SNX10: variants seen among roughly 807,000 people sequenced by gnomAD.
SNX10 encodes the protein sorting nexin 10.
A neutral mutation model predicts 28.5 loss-of-function variants in SNX10; 25 were observed. The ratio of observed to expected loss-of-function variants is 0.88; its 90% confidence interval spans 0.64 to 1.22. The LOEUF is 1.22. Among genes scored for constraint, SNX10 ranks in the 50% most tolerant of loss-of-function variants. SNX10 has a pLI of 0.00. For missense variants in SNX10, 223 were observed against 242.6 expected (o/e 0.92, Z 0.54); for synonymous variants, 62 against 81.4 (o/e 0.76, Z 1.28).
At chr7:26,356,984 A>G in intron 2 of SNX10, 1 of 872,518 alleles carries the variant, frequency 1.1e-6, no homozygotes, top group Non-Finnish European at 1.5e-6. Flanking sequence ...CCTTTCCTGA[A>G]GGCAGTTTGT....
In SNX10 at chr7:26,364,971, T is replaced by C. The variant is rs1789230143; in HGVS notation, c.213-76T>C. 3.5e-6 allele frequency: 3 copies of C among 860,584 alleles called. No individual in the cohort carries two copies. In the East Asian group the frequency reaches 7.4e-5, roughly 21 times the overall value. 53.3% of individuals were successfully genotyped at this position (860,584 alleles called of 1,614,324 possible). On this transcript the variant is annotated intron_variant, in intron 4 of 6. Coordinates refer to ENST00000338523, the MANE Select transcript of SNX10 (RefSeq NM_013322.3). The surrounding 1 kb of genome is among the most constrained non-coding windows in gnomAD (Gnocchi z 4.9). ...TAATAATCATCATACATAATTTGCCTTCACTTTGAGGGATTTCTGTAACAG... is the reference window on the plus strand; with the variant it reads ...TAATAATCATCATACATAATTTGCCCTCACTTTGAGGGATTTCTGTAACAG...
chr7:26,342,387 A>G (rs758543778), intron 1 of SNX10, among the ~76,000 whole-genome samples: 6 of 152,156 alleles, frequency 3.9e-5, no homozygotes, highest in Non-Finnish European at 7.4e-5. Context: ...TTGACCTTTT[A>G]TCTCAAACCA....
At chr7:26,305,343 C>T (rs1293616407) in intron 1 of SNX10, among the ~76,000 whole-genome samples, 3 of 152,234 alleles carry the variant, frequency 2.0e-5, no homozygotes, top group Non-Finnish European at 4.4e-5. Flanking sequence ...GGAACCAACA[C>T]TCCTTAGAAG....
chr7:26,308,267 A>T (rs1456290573), intron 1 of SNX10, among the ~76,000 whole-genome samples: 1 of 152,086 alleles, frequency 6.6e-6, no homozygotes, highest in Non-Finnish European at 1.5e-5. Context: ...CTGTGTTTCC[A>T]TAAAGAAATT....
At chr7:26,323,856 T>C (rs1787398743) in intron 1 of SNX10, among the ~76,000 whole-genome samples, 1 of 152,180 alleles carries the variant, frequency 6.6e-6, no homozygotes, top group South Asian at 2.1e-4. Context: ...CAACAGGACA[T>C]GTATCTCCAG....
intron 5 of SNX10, chr7:26,370,654 C>G (rs1197192856): frequency 1.3e-5 from 2 of 152,106 alleles, no homozygotes; most frequent in Non-Finnish European, 2.9e-5. Context: ...CTTGGATTTT[C>G]ACTAAATTGA....
intron 2 of SNX10, 152 bp from the exon 3 acceptor site, chr7:26,360,823 A>G (rs1789034769): frequency 6.9e-7 from 1 of 1,455,048 alleles, no homozygotes; most frequent in East Asian, 2.6e-5. Context: ...TGCCTGATTC[A>G]TTAACTTTAC....
intron 1 of SNX10, among the ~76,000 whole-genome samples, chr7:26,337,704 T>C (rs138691083): frequency 1.7e-4 from 26 of 152,362 alleles, no homozygotes; most frequent in Non-Finnish European, 3.4e-4. Context: ...GCTCATCCAT[T>C]ACATTTCATT....
At position 26,346,477 on chromosome 7, in the gene SNX10, A is replaced by G; in HGVS notation, c.24+11A>G. The stretch of plus-strand genomic sequence containing the variant: ...GAACAACAGAAAGAGGTATGTCATC[A>G]CAAATCCAAAAATAAATAACCCACT... On this transcript the variant is annotated intron_variant, in intron 2 of 6. Coordinates refer to ENST00000338523, the MANE Select transcript of SNX10 (RefSeq NM_013322.3). 2.5e-6 allele frequency: 4 copies of G among 1,592,736 alleles called. No individual in the cohort carries two copies. Among genetic ancestry groups the G allele is most frequent in the Non-Finnish European group, 3.4e-6 (4 of 1,160,622 alleles).
intron 1 of SNX10, among the ~76,000 whole-genome samples, chr7:26,316,181 CAAA>C (rs397970319): frequency 1.4e-5 from 1 of 72,232 alleles, no homozygotes; most frequent in African/African-American, 4.0e-5. Flanking sequence ...GAGACTGTCT[CAAA>C]AAAAAAAAAA....
rs559453724 is a variant in SNX10, at chr7:26,304,227, T to C, written c.-24+12141T>C. On this transcript the variant is annotated intron_variant, in intron 1 of 6. Coordinates refer to ENST00000338523, the MANE Select transcript of SNX10 (RefSeq NM_013322.3). ...AGCCTTCCCCATCTGAATGAAGGCCTATGCCTTCCATTTGTTTGTTTAGAC... is the reference window on the plus strand; with the variant it reads ...AGCCTTCCCCATCTGAATGAAGGCCCATGCCTTCCATTTGTTTGTTTAGAC... Among the ~76,000 whole-genome samples, 13 of 152,358 alleles carry C rather than the reference T, an allele frequency of 8.5e-5. 1 individual carries two copies. In the South Asian group the frequency reaches 2.7e-3, roughly 32 times the overall value.
chr7:26,328,666 C>A (rs1302204189), intron 1 of SNX10, among the ~76,000 whole-genome samples: 1 of 152,156 alleles, frequency 6.6e-6, no homozygotes, highest in African/African-American at 2.4e-5. Flanking sequence ...CTGAAACTGC[C>A]CATGTGCCCC....
intron 1 of SNX10, among the ~76,000 whole-genome samples, chr7:26,310,136 C>T (rs998280752): frequency 1.3e-5 from 2 of 152,214 alleles, no homozygotes; most frequent in Non-Finnish European, 2.9e-5. Context: ...TTTCTTTCCT[C>T]ACAAGACGAA....
At chr7:26,367,996 T>C (rs185809302) in intron 5 of SNX10, among the ~76,000 whole-genome samples, 68 of 152,342 alleles carry the variant, frequency 4.5e-4, no homozygotes, top group African/African-American at 1.5e-3. Flanking sequence ...TATATATACC[T>C]ATTTTTCTTT....
At chr7:26,325,252 T>G (rs1380481155) in intron 1 of SNX10, among the ~76,000 whole-genome samples, 1 of 145,278 alleles carries the variant, frequency 6.9e-6, no homozygotes, top group Non-Finnish European at 1.5e-5. Context: ...ATGTTACAGT[T>G]AAAGGTTAGT....
At chr7:26,355,313 T>C (rs1788776974) in intron 2 of SNX10, among the ~76,000 whole-genome samples, 1 of 152,232 alleles carries the variant, frequency 6.6e-6, no homozygotes, top group African/African-American at 2.4e-5. Context: ...GACATTTCCC[T>C]TTCCATATAA....
At chr7:26,356,688 G>T (rs1237081471) in intron 2 of SNX10, among the ~76,000 whole-genome samples, 1 of 152,086 alleles carries the variant, frequency 6.6e-6, no homozygotes, top group Non-Finnish European at 1.5e-5. Context: ...TTGTTGCCTG[G>T]TACAAGTCTT....
At chr7:26,367,058 G>A (rs901446172) in intron 5 of SNX10, among the ~76,000 whole-genome samples, 2 of 152,100 alleles carry the variant, frequency 1.3e-5, no homozygotes, top group African/African-American at 2.4e-5. Context: ...TGTGAGCCTT[G>A]GAACAGTCAC....
At chr7:26,294,290 G>T (rs1177483302) in intron 1 of SNX10, among the ~76,000 whole-genome samples, 1 of 152,308 alleles carries the variant, frequency 6.6e-6, no homozygotes, top group South Asian at 2.1e-4. Flanking sequence ...TAGTGTAGTG[G>T]TTAGAACTTG....
Sources: allele counts gnomAD v4.1 joint callset (sites outside exome capture counted in the v4.1 genomes callset), GRCh38; gene constraint gnomAD v4.1.1; non-coding constraint Gnocchi (gnomAD v3.1); transcripts MANE v1.5; gene names NCBI Gene and HGNC (gene_info 2026-07-23, HGNC 2026-07-21).